AOPEP: variants seen among roughly 807,000 people sequenced by gnomAD.
AOPEP encodes aminopeptidase O.
AOPEP carries 77 observed loss-of-function variants against 98.1 expected under a neutral mutation model. The observed-to-expected ratio is 0.78, with a 90% CI of 0.65 to 0.95. The LOEUF (loss-of-function observed/expected upper bound fraction) is 0.95, where lower values mean the gene tolerates loss of function less well. Among genes scored for constraint, AOPEP ranks in the 40% least tolerant of loss-of-function variants. AOPEP has a pLI of 0.00. For missense variants in AOPEP, 1,024 were observed against 1,024.7 expected (o/e 1.00, Z 0.01); for synonymous variants, 346 against 365.3 (o/e 0.95, Z 0.60).
chr9:94,975,855 G>C (rs10993427), intron 10 of AOPEP, among the ~76,000 whole-genome samples: 39,112 of 152,160 alleles, frequency 0.26, 8,621 homozygotes, highest in African/African-American at 0.6. Flanking sequence ...CGCAGGACCC[G>C]CTGTTTTCTT....
chr9:94,820,664 A>G (rs1852866601), intron 5 of AOPEP, among the ~76,000 whole-genome samples: 1 of 152,228 alleles, frequency 6.6e-6, no homozygotes, highest in African/African-American at 2.4e-5. Flanking sequence ...TTTCATTAAC[A>G]TACCTGCCAT....
intron 5 of AOPEP, among the ~76,000 whole-genome samples, chr9:94,837,340 G>A (rs865915576): frequency 1.3e-5 from 2 of 152,138 alleles, no homozygotes; most frequent in Non-Finnish European, 2.9e-5. Context: ...AGAAGAATTG[G>A]TACCAATCCT....
chr9:94,743,766 C>T (rs1207380392), intron 1 of AOPEP, among the ~76,000 whole-genome samples: 2 of 152,048 alleles, frequency 1.3e-5, no homozygotes, highest in Non-Finnish European at 2.9e-5. Flanking sequence ...ACCCAGGTAA[C>T]TACCCACACA....
At chr9:95,049,390 AC>A (rs1239858478) in intron 13 of AOPEP, among the ~76,000 whole-genome samples, 4 of 152,216 alleles carry the variant, frequency 2.6e-5, no homozygotes, top group African/African-American at 9.6e-5. Flanking sequence ...TATAAGAAAA[AC>A]AATTAAAAGC....
At chr9:95,027,856 A>T (rs2063966152) in intron 13 of AOPEP, among the ~76,000 whole-genome samples, 1 of 152,208 alleles carries the variant, frequency 6.6e-6, no homozygotes, top group Non-Finnish European at 1.5e-5. Context: ...AGGTATTTTT[A>T]ATTTTGGCAG....
In AOPEP at chr9:94,804,713, C is replaced by T. The variant is rs72746541; in HGVS notation, c.1364+3711C>T. 5.3e-3 allele frequency among the ~76,000 whole-genome samples: 804 copies of T among 152,192 alleles called. 12 individuals are homozygous for T. Among genetic ancestry groups the T allele is most frequent in the South Asian group, 0.045 (215 of 4,818 alleles). On this transcript the variant is annotated intron_variant, in intron 5 of 16. Coordinates refer to ENST00000375315, the MANE Select transcript of AOPEP (RefSeq NM_001193329.3). ...ACGATGCAAAGCCTACAAGGGTGAACGAGATAGAGGAGGCCTCTGTCCTTA... is the reference window on the plus strand; with the variant it reads ...ACGATGCAAAGCCTACAAGGGTGAATGAGATAGAGGAGGCCTCTGTCCTTA...
chr9:94,793,287 G>A (rs1846151319), intron 4 of AOPEP, among the ~76,000 whole-genome samples: 3 of 152,124 alleles, frequency 2.0e-5, no homozygotes, highest in African/African-American at 7.2e-5. Context: ...GGCAGAGGTT[G>A]CGGTGAGCTG....
chr9:94,796,640 G>C (rs1279969716), intron 4 of AOPEP, among the ~76,000 whole-genome samples: 1 of 152,176 alleles, frequency 6.6e-6, no homozygotes, highest in Non-Finnish European at 1.5e-5. Flanking sequence ...CAGAAATTTG[G>C]CCAAAGTGTT....
At chr9:95,051,171 C>A (rs1163937145) in intron 13 of AOPEP, among the ~76,000 whole-genome samples, 1 of 150,974 alleles carries the variant, frequency 6.6e-6, no homozygotes, top group Non-Finnish European at 1.5e-5. Context: ...CTCACTGCAA[C>A]CTCCGCCTCC....
At chr9:94,729,655 G>T (rs1285146057) in intron 1 of AOPEP, among the ~76,000 whole-genome samples, 2 of 152,192 alleles carry the variant, frequency 1.3e-5, no homozygotes, top group East Asian at 3.9e-4. Context: ...ATTCTCTGCT[G>T]TGGGGGGCTG....
intron 1 of AOPEP, among the ~76,000 whole-genome samples, chr9:94,737,735 A>G (rs1318569794): frequency 6.6e-6 from 1 of 152,206 alleles, no homozygotes; most frequent in Admixed American, 6.5e-5. Context: ...CCATGCCAAT[A>G]AGCAACAAGA....
chr9:95,082,046 AAG>A (rs1312011229), intron 15 of AOPEP, among the ~76,000 whole-genome samples: 1 of 151,952 alleles, frequency 6.6e-6, no homozygotes, highest in African/African-American at 2.4e-5. Flanking sequence ...CTGTGGAGGA[AAG>A]GGCGCAGGCG....
At chr9:94,971,732 C>G (rs779714996) in intron 10 of AOPEP, among the ~76,000 whole-genome samples, 7 of 152,198 alleles carry the variant, frequency 4.6e-5, no homozygotes, top group Non-Finnish European at 1.0e-4. Flanking sequence ...ATCTCCCATA[C>G]CAGGCTTTGG....
chr9:94,732,865 G>A (rs1157639195), intron 1 of AOPEP, among the ~76,000 whole-genome samples: 1 of 152,220 alleles, frequency 6.6e-6, no homozygotes, highest in Non-Finnish European at 1.5e-5. Flanking sequence ...GTGGCAGATA[G>A]CACAGATCTG....
intron 7 of AOPEP, chr9:94,928,807 C>T (rs12338409): frequency 0.55 from 207,806 of 376,138 alleles, 58,296 homozygotes; most frequent in African/African-American, 0.72. Flanking sequence ...AGTCACTTTA[C>T]GTGGTGGCTG....
intron 5 of AOPEP, among the ~76,000 whole-genome samples, chr9:94,865,170 T>C (rs2045572240): frequency 6.6e-6 from 1 of 152,208 alleles, no homozygotes. Flanking sequence ...TCCTAGAGAA[T>C]GGTTCTGGAT....
At chr9:94,871,058 C>A (rs775510568) in intron 5 of AOPEP, among the ~76,000 whole-genome samples, 1 of 152,180 alleles carries the variant, frequency 6.6e-6, no homozygotes, top group Non-Finnish European at 1.5e-5. Flanking sequence ...TGGGTGTGGG[C>A]GCAGGCGCGA....
chr9:95,145,809 C>T, the AOPEP span, among the ~76,000 whole-genome samples: 1 of 152,174 alleles, frequency 6.6e-6, no homozygotes, highest in Admixed American at 6.5e-5. Flanking sequence ...CACCCTTTAT[C>T]ACACTCAAGA....
chr9:95,116,526 C>A, the AOPEP span, among the ~76,000 whole-genome samples: 3 of 152,194 alleles, frequency 2.0e-5, no homozygotes, highest in Admixed American at 6.5e-5. Context: ...CCCAAAATGG[C>A]ATAAAAAGGA....
Sources: gnomAD v4.1 joint callset for allele counts (sites outside exome capture counted in the v4.1 genomes callset) on GRCh38, gnomAD v4.1.1 for gene constraint, MANE v1.5 for transcripts, NCBI Gene and HGNC (gene_info 2026-07-23, HGNC 2026-07-21) for gene names.